PLXNC1: variants seen among roughly 807,000 people sequenced by gnomAD.
PLXNC1 encodes plexin C1, also known as plexin-C1.
PLXNC1 carries 75 observed loss-of-function variants against 178.2 expected under a neutral mutation model. That is an observed-to-expected ratio of 0.42 (90% CI 0.35 to 0.51). PLXNC1 has a LOEUF of 0.51. PLXNC1 is among the 20% of genes least tolerant of loss of function. The probability of loss-of-function intolerance (pLI) is 0.02; values close to 1 mark genes in which losing one functional copy is unlikely to be tolerated. For missense variants in PLXNC1, 1,503 were observed against 1,984.4 expected, an observed-to-expected ratio of 0.76 and a Z score of 4.61; for synonymous variants, 790 against 779.9, an observed-to-expected ratio of 1.01 and a Z score of -0.22.
chr12:94,149,776 C>A lies in PLXNC1; in HGVS notation c.805C>A (p.Gln269Lys), dbSNP rs777448528. 5.6e-6 allele frequency: 9 copies of A among 1,608,508 alleles called. No individual in the cohort carries two copies. In the Admixed American group the frequency reaches 1.3e-4, roughly 24 times the overall value. The change falls in exon 1 of 31, where the codon CAG becomes AAG. Residue 269 changes from glutamine (Q) to lysine (K), a missense_variant. Gln to Lys is a moderately conservative substitution (Grantham distance 53, BLOSUM62 1). Transcript: ENST00000258526. Reference sequence around the variant, plus strand: ...CTGGCCCAGCATGGCGCGCATCGCGCAGAGCACCGAGGTGCTGTTCCAGGG... The same window carrying A: ...CTGGCCCAGCATGGCGCGCATCGCGAAGAGCACCGAGGTGCTGTTCCAGGG... ...TGWPSMARIA[Q>K]STEVLFQGQA...
intron 2 of PLXNC1, among the ~76,000 whole-genome samples, chr12:94,178,344 T>C (rs772760790): frequency 5.3e-5 from 8 of 152,232 alleles, no homozygotes; most frequent in Non-Finnish European, 1.0e-4. Flanking sequence ...GAATACATTA[T>C]GGGTGGTGCT....
intron 4 of PLXNC1, among the ~76,000 whole-genome samples, chr12:94,190,546 C>T (rs978734166): frequency 3.3e-5 from 5 of 152,120 alleles, no homozygotes; most frequent in Admixed American, 2.6e-4. Flanking sequence ...TGGCCAAAAG[C>T]CTGCTTCTGC....
chr12:94,258,135 A>C (rs968421102), intron 17 of PLXNC1, among the ~76,000 whole-genome samples: 1 of 152,210 alleles, frequency 6.6e-6, no homozygotes, highest in East Asian at 1.9e-4. Context: ...TCAAAAAAAC[A>C]AAACAAACAA....
Position 94,148,856 on chromosome 12 carries a change from G to T in PLXNC1, c.-116G>T. On this transcript the variant is annotated 5_prime_UTR_variant, in exon 1 of 31. Coordinates refer to ENST00000258526, the MANE Select transcript of PLXNC1 (RefSeq NM_005761.3). This position sits in a 1 kb window ranked among gnomAD's most constrained non-coding sequence, Gnocchi z 4.8. Reference sequence around the variant, plus strand: ...GGCGAGCTGCGGGGATGGGGCGGCCGCGGGAGCCCGAGCGCGCGCAGGAAC... The same window carrying T: ...GGCGAGCTGCGGGGATGGGGCGGCCTCGGGAGCCCGAGCGCGCGCAGGAAC... 2 of 170,482 alleles carry T rather than the reference G, an allele frequency of 1.2e-5. No homozygotes were observed. Among genetic ancestry groups the T allele is most frequent in the South Asian group, 1.7e-4 (1 of 6,030 alleles). 10.6% of individuals were successfully genotyped at this position (170,482 alleles called of 1,614,324 possible). A position where few individuals can be genotyped will look rare whatever the true frequency, so the allele number is the denominator to read the frequency against.
In PLXNC1 at chr12:94,259,568, T is replaced by C. The variant is rs1340612453; in HGVS notation, c.3127-42T>C. On this transcript the variant is annotated intron_variant, in intron 18 of 30. Transcript: ENST00000258526. ...TCTACTTTCTAACTTTAAACTTATATATGATTTTGTATTATACTATATATT... is the reference window on the plus strand; with the variant it reads ...TCTACTTTCTAACTTTAAACTTATACATGATTTTGTATTATACTATATATT... 3 of 1,401,188 alleles carry C rather than the reference T, an allele frequency of 2.1e-6. No homozygotes were observed. In the East Asian group the frequency reaches 7.8e-5, roughly 36 times the overall value. The allele number at this position is 1,401,188 out of a possible 1,614,324, so 86.8% of individuals were successfully genotyped here.
chr12:94,163,839 A>G lies in PLXNC1; in HGVS notation c.1063-5314A>G, dbSNP rs140942364. On this transcript the variant is annotated intron_variant, in intron 1 of 30. Coordinates refer to ENST00000258526, the MANE Select transcript of PLXNC1 (RefSeq NM_005761.3). ...TCAGATCCCGGTCAACACTGTATAC[A>G]CTAGAATGGAGAAAAGCAACCCGAG... Among the ~76,000 whole-genome samples the G allele has an allele frequency of 2.3e-3, 346 of 152,290 alleles. 2 individuals are homozygous for G. The highest frequency in any genetic ancestry group is 4.2e-3 in the Non-Finnish European group (287 of 68,018).
At position 94,260,600 on chromosome 12, in the gene PLXNC1, A is replaced by C; in HGVS notation, c.3252-42A>C. Reference sequence around the variant, plus strand: ...TGGAAACTCCCATGGGTGTCCAGCTAGGCCTGCAGCCAATGGTTCACCCAG... The same window carrying C: ...TGGAAACTCCCATGGGTGTCCAGCTCGGCCTGCAGCCAATGGTTCACCCAG... On this transcript the variant is annotated intron_variant, in intron 19 of 30. Transcript: ENST00000258526. This position sits in a 1 kb window ranked among gnomAD's most constrained non-coding sequence, Gnocchi z 4.4. 1.4e-6 allele frequency: 2 copies of C among 1,470,950 alleles called. No individual in the cohort carries two copies. Among genetic ancestry groups the C allele is most frequent in the South Asian group, 2.3e-5 (2 of 87,568 alleles). The allele number at this position is 1,470,950 out of a possible 1,614,324, so 91.1% of individuals were successfully genotyped here.
At chr12:94,243,505 A>T (rs544955980) in intron 11 of PLXNC1, among the ~76,000 whole-genome samples, 5 of 152,232 alleles carry the variant, frequency 3.3e-5, no homozygotes, top group Non-Finnish European at 7.3e-5. Flanking sequence ...TCTAAATAAC[A>T]TACCATTGGT....
In PLXNC1 at chr12:94,259,394, A is replaced by AT. The variant is rs1964935967; in HGVS notation, c.3126+24dup. The stretch of plus-strand genomic sequence containing the variant: ...TATGCATGTAAGTCTCTACGTTTTC[A>AT]TTTTTAGCCCAGTGACTGCCTGATG... On this transcript the variant is annotated intron_variant, in intron 18 of 30. Transcript: ENST00000258526. The AT allele has an allele frequency of 1.3e-6, 2 of 1,577,334 alleles. No individual in the cohort carries two copies. The highest frequency in any genetic ancestry group is 1.4e-5 in the African/African-American group (1 of 73,242).
intron 20 of PLXNC1, among the ~76,000 whole-genome samples, chr12:94,264,482 C>T (rs1471512359): frequency 6.6e-6 from 1 of 152,174 alleles, no homozygotes; most frequent in Non-Finnish European, 1.5e-5. Flanking sequence ...TGGGACTGTG[C>T]AGTGTGTGTC....
intron 20 of PLXNC1, among the ~76,000 whole-genome samples, chr12:94,263,642 AAAGAG>A (rs568671318): frequency 2.3e-3 from 353 of 152,172 alleles, no homozygotes; most frequent in Middle Eastern, 3.4e-3. Flanking sequence ...CGGTGGAGGG[AAAGAG>A]AAGAGAAGGG....
intron 1 of PLXNC1, chr12:94,168,034 G>C (rs1402247892): frequency 6.6e-6 from 1 of 152,134 alleles, no homozygotes; most frequent in East Asian, 1.9e-4. Context: ...TATTTAATAA[G>C]ACATAAATTG....
At chr12:94,184,896 G>A (rs571976211) in intron 3 of PLXNC1, among the ~76,000 whole-genome samples, 6 of 152,186 alleles carry the variant, frequency 3.9e-5, no homozygotes, top group Admixed American at 6.5e-5. Context: ...CAAAGGCTCC[G>A]AGAAGCCCTG....
In PLXNC1 at chr12:94,220,951, G is replaced by A. The variant is rs546454416; in HGVS notation, c.1702+788G>A. 8.8e-4 allele frequency among the ~76,000 whole-genome samples: 134 copies of A among 152,316 alleles called. 1 individual carries two copies. The highest frequency in any genetic ancestry group is 1.5e-3 in the Non-Finnish European group (105 of 68,034). ...CATGGCCAAGGCACATGGGGTAGGG[G>A]AAGGTGGAAAGGGGAGACGGAGGGA... On this transcript the variant is annotated intron_variant, in intron 6 of 30. Coordinates refer to ENST00000258526, the MANE Select transcript of PLXNC1 (RefSeq NM_005761.3).
At chr12:94,297,052 G>C (rs1194379916) in intron 24 of PLXNC1, 137 bp from the exon 25 acceptor site, 7 of 756,556 alleles carry the variant, frequency 9.3e-6, no homozygotes, top group Non-Finnish European at 1.6e-5. Flanking sequence ...GAAAAATGTA[G>C]CTATGGAGAG....
At chr12:94,192,541 TG>T (rs1962766149) in intron 4 of PLXNC1, among the ~76,000 whole-genome samples, 1 of 151,968 alleles carries the variant, frequency 6.6e-6, no homozygotes, top group South Asian at 2.1e-4. Flanking sequence ...TTCATGCTCA[TG>T]GGTCAGCCTG....
intron 12 of PLXNC1, among the ~76,000 whole-genome samples, chr12:94,247,492 T>A (rs1964560490): frequency 6.6e-6 from 1 of 152,114 alleles, no homozygotes; most frequent in South Asian, 2.1e-4. Flanking sequence ...TTCTCGTGGT[T>A]TCCCAGGGCT....
intron 1 of PLXNC1, among the ~76,000 whole-genome samples, chr12:94,165,267 C>T (rs1038199877): frequency 2.6e-5 from 4 of 152,304 alleles, no homozygotes; most frequent in African/African-American, 7.2e-5. Flanking sequence ...TTTGTGAGGA[C>T]GTTTCTCCGG....
chr12:94,304,061 T>A lies in PLXNC1; in HGVS notation c.4602+10T>A. The A allele has an allele frequency of 6.9e-7, 1 of 1,453,440 alleles. No individual in the cohort carries two copies. The highest frequency in any genetic ancestry group is 9.6e-7 in the Non-Finnish European group (1 of 1,039,650). The allele number at this position is 1,453,440 out of a possible 1,614,324, so 90.0% of individuals were successfully genotyped here. On this transcript the variant is annotated intron_variant, in intron 30 of 30. Transcript: ENST00000258526. ...AAAATATTTTGATGAGGTAAGATTT[T>A]AAATAACATTGTTTTTAACCTTTGA...
Sources: gnomAD v4.1 joint callset for allele counts (sites outside exome capture counted in the v4.1 genomes callset) on GRCh38, gnomAD v4.1.1 for gene constraint, Gnocchi (gnomAD v3.1) non-coding constraint, MANE v1.5 for transcripts, NCBI Gene and HGNC (gene_info 2026-07-23, HGNC 2026-07-21) for gene names.